Variants in CNTNAP2 observed in about 807,000 individuals in gnomAD.
The protein encoded by CNTNAP2 is contactin associated protein 2.
Under a neutral mutation model 155.2 loss-of-function variants are expected in CNTNAP2, and 98 were observed. That is an observed-to-expected ratio of 0.63 (90% CI 0.54 to 0.75). The LOEUF (loss-of-function observed/expected upper bound fraction) is 0.75, where lower values mean the gene tolerates loss of function less well. CNTNAP2 is among the 30% of genes least tolerant of loss of function. CNTNAP2 has a pLI of 0.00. For missense variants in CNTNAP2, 1,727 were observed against 1,688.1 expected (o/e 1.02, Z -0.40); for synonymous variants, 651 against 631.2 (o/e 1.03, Z -0.47).
intron 6 of CNTNAP2, among the ~76,000 whole-genome samples, chr7:147,126,255 G>A (rs982635001): frequency 1.3e-5 from 2 of 152,120 alleles, no homozygotes; most frequent in African/African-American, 2.4e-5. Flanking sequence ...GCGACATTTT[G>A]TGTACACTTG....
At chr7:148,109,597 T>C (rs1804300479) in intron 15 of CNTNAP2, among the ~76,000 whole-genome samples, 1 of 152,146 alleles carries the variant, frequency 6.6e-6, no homozygotes, top group Non-Finnish European at 1.5e-5. Context: ...TTGGTCAGGC[T>C]GGTTTCAAAC....
intron 20 of CNTNAP2, among the ~76,000 whole-genome samples, chr7:148,238,603 T>C (rs1182773157): frequency 2.6e-5 from 4 of 152,218 alleles, no homozygotes; most frequent in East Asian, 1.9e-4. Context: ...AATGACTTTA[T>C]AGCGTTTCGT....
intron 1 of CNTNAP2, among the ~76,000 whole-genome samples, chr7:146,754,790 G>A (rs1401563268): frequency 1.3e-5 from 2 of 150,902 alleles, no homozygotes; most frequent in Non-Finnish European, 2.9e-5. Context: ...ATACTTTTTA[G>A]GTGATCTGTT....
At chr7:147,905,029 C>T (rs1485559814) in intron 14 of CNTNAP2, among the ~76,000 whole-genome samples, 1 of 152,058 alleles carries the variant, frequency 6.6e-6, no homozygotes, top group Non-Finnish European at 1.5e-5. Context: ...AGTGAATCAT[C>T]CAATCAGTCA....
intron 15 of CNTNAP2, chr7:148,014,023 T>G (rs1178202081): frequency 6.6e-6 from 1 of 152,208 alleles, no homozygotes; most frequent in East Asian, 1.9e-4. Flanking sequence ...CATTCCCAAA[T>G]GATTCCAATG....
intron 1 of CNTNAP2, among the ~76,000 whole-genome samples, chr7:146,324,905 C>T (rs1316366835): frequency 6.6e-6 from 1 of 152,008 alleles, no homozygotes; most frequent in Non-Finnish European, 1.5e-5. Flanking sequence ...AATCATGGAT[C>T]ATTACTTAAT....
intron 15 of CNTNAP2, among the ~76,000 whole-genome samples, chr7:147,993,253 T>C (rs538690869): frequency 2.0e-5 from 3 of 152,196 alleles, no homozygotes; most frequent in African/African-American, 2.4e-5. Flanking sequence ...AACCTTGGCA[T>C]TGAACTTGTC....
At chr7:148,004,848 G>T (rs1370382577) in intron 15 of CNTNAP2, among the ~76,000 whole-genome samples, 1 of 152,152 alleles carries the variant, frequency 6.6e-6, no homozygotes, top group Non-Finnish European at 1.5e-5. Flanking sequence ...CTGACAACCT[G>T]TTCCAGGAAA....
chr7:146,728,955 A>G (rs1471562358), intron 1 of CNTNAP2, among the ~76,000 whole-genome samples: 1 of 152,234 alleles, frequency 6.6e-6, no homozygotes, highest in Non-Finnish European at 1.5e-5. Flanking sequence ...TCTGTTCAGA[A>G]AAAACTCTGA....
intron 1 of CNTNAP2, among the ~76,000 whole-genome samples, chr7:146,659,323 T>C (rs567483097): frequency 6.6e-6 from 1 of 152,292 alleles, no homozygotes; most frequent in East Asian, 1.9e-4. Context: ...ATAAGTACTT[T>C]CAGGCCTGCC....
At chr7:146,892,390 A>G (rs1795797891) in intron 3 of CNTNAP2, among the ~76,000 whole-genome samples, 1 of 152,202 alleles carries the variant, frequency 6.6e-6, no homozygotes, top group African/African-American at 2.4e-5. Flanking sequence ...CATTGGTTGA[A>G]GCAGCCACAA....
intron 18 of CNTNAP2, among the ~76,000 whole-genome samples, chr7:148,186,009 CT>C (rs937552924): frequency 6.6e-6 from 1 of 152,174 alleles, no homozygotes; most frequent in African/African-American, 2.4e-5. Flanking sequence ...TTCCAAAAGA[CT>C]TTTATTTCTG....
intron 1 of CNTNAP2, among the ~76,000 whole-genome samples, chr7:146,358,828 G>A (rs537596420): frequency 5.3e-5 from 8 of 152,306 alleles, no homozygotes; most frequent in African/African-American, 1.9e-4. Context: ...GAGAAAGAAA[G>A]CCAGTAGTTT....
intron 10 of CNTNAP2, among the ~76,000 whole-genome samples, chr7:147,432,518 A>G (rs1431611048): frequency 6.6e-6 from 1 of 152,190 alleles, no homozygotes; most frequent in Non-Finnish European, 1.5e-5. Context: ...CATTAGCTAC[A>G]TGTTGTGAGT....
chr7:146,940,542 A>G (rs1797031066), intron 3 of CNTNAP2, among the ~76,000 whole-genome samples: 1 of 152,012 alleles, frequency 6.6e-6, no homozygotes. Context: ...AGGTCTTAAT[A>G]AATTATGTGT....
intron 2 of CNTNAP2, among the ~76,000 whole-genome samples, chr7:146,812,646 A>T (rs1803089051): frequency 6.6e-6 from 1 of 152,076 alleles, no homozygotes; most frequent in Admixed American, 6.6e-5. Flanking sequence ...TAGAAAAGAA[A>T]AACCCGTTTT....
At chr7:148,211,424 G>A (rs913145900) in intron 18 of CNTNAP2, among the ~76,000 whole-genome samples, 15 of 152,234 alleles carry the variant, frequency 9.9e-5, no homozygotes, top group South Asian at 4.1e-4. Context: ...TTGCTTGAGC[G>A]ACTACCTTGC....
intron 20 of CNTNAP2, among the ~76,000 whole-genome samples, chr7:148,237,312 G>A (rs1186824638): frequency 1.3e-5 from 2 of 152,140 alleles, no homozygotes; most frequent in African/African-American, 4.8e-5. Context: ...TGATAAAAAA[G>A]GTGTTTGTAC....
intron 3 of CNTNAP2, among the ~76,000 whole-genome samples, chr7:147,017,911 A>G (rs1798752972): frequency 6.6e-6 from 1 of 152,090 alleles, no homozygotes; most frequent in Non-Finnish European, 1.5e-5. Context: ...ATAATGTCCT[A>G]TAGGCAATAA....
Sources: gnomAD v4.1 joint callset for allele counts (sites outside exome capture counted in the v4.1 genomes callset) on GRCh38, gnomAD v4.1.1 for gene constraint, MANE v1.5 for transcripts, NCBI Gene and HGNC (gene_info 2026-07-23, HGNC 2026-07-21) for gene names.